Variants in DLGAP3 observed in about 807,000 individuals in gnomAD.
DLGAP3 encodes DLG associated protein 3.
Under a neutral mutation model 81.2 loss-of-function variants are expected in DLGAP3, and 17 were observed. That is an observed-to-expected ratio of 0.21 (90% CI 0.14 to 0.31). DLGAP3 has a LOEUF of 0.31. Ranked by LOEUF, DLGAP3 falls within the 10% of genes least tolerant of loss-of-function variation. DLGAP3 has a pLI of 1.00. For synonymous variants in DLGAP3, 577 were observed against 587.4 expected (o/e 0.98, Z 0.26); for missense variants, 1,124 against 1,388.0 (o/e 0.81, Z 3.02).
chr1:34,899,812 C>T, intron 4 of DLGAP3, 71 bp from the exon 5 acceptor site: 3 of 1,438,824 alleles, frequency 2.1e-6, no homozygotes, highest in Non-Finnish European at 2.9e-6. Flanking sequence ...GATAATAGCA[C>T]TGGGGCCCCT....
chr1:34,873,218 G>A lies in DLGAP3; in HGVS notation c.2001-4129C>T, dbSNP rs761704933. On this transcript the variant is annotated intron_variant, in intron 8 of 11. Transcript: ENST00000373347. The surrounding 1 kb of genome is among the most constrained non-coding windows in gnomAD (Gnocchi z 4.2). ...AGGGCTGGTGGAAGAGACAAGGGAA[G>A]ATATCTAAGTAAGCTGGGGTTTGGC... Among the ~76,000 whole-genome samples the A allele has an allele frequency of 2.0e-5, 3 of 152,198 alleles. No individual in the cohort carries two copies. The highest frequency in any genetic ancestry group is 4.4e-5 in the Non-Finnish European group (3 of 68,040).
chr1:34,909,850 C>T (rs999923941), intron 1 of DLGAP3, among the ~76,000 whole-genome samples: 4 of 152,156 alleles, frequency 2.6e-5, no homozygotes, highest in African/African-American at 9.7e-5. Context: ...ACAGATGTGC[C>T]TTTTATTCCA....
At chr1:34,918,355 G>A (rs1639748509) in intron 1 of DLGAP3, among the ~76,000 whole-genome samples, 1 of 152,222 alleles carries the variant, frequency 6.6e-6, no homozygotes, top group Non-Finnish European at 1.5e-5. Flanking sequence ...TGCCCAGGGT[G>A]GAGGCAGACA....
intron 1 of DLGAP3, among the ~76,000 whole-genome samples, chr1:34,924,625 A>G (rs1639841926): frequency 6.6e-6 from 1 of 152,178 alleles, no homozygotes; most frequent in South Asian, 2.1e-4. Flanking sequence ...GGGACCCAGT[A>G]GGTGAAAGGC....
rs1639224032 is a variant in DLGAP3 at position 34,886,124 on chromosome 1, G to GCCC, written c.1547_1548insGGG (p.Asp516delinsGluGly). The GCCC allele has an allele frequency of 6.2e-7, 1 of 1,607,410 alleles. No individual in the cohort carries two copies. Among genetic ancestry groups the GCCC allele is most frequent in the Admixed American group, 1.7e-5 (1 of 59,182 alleles). Reference sequence around the variant, plus strand: ...CAGGGGTAGCGAGGAGGGGCAGGCAGTCGTCGTCTTGAGAGCAGCCGGCCT... The same window carrying GCCC: ...CAGGGGTAGCGAGGAGGGGCAGGCAGCCCTCGTCGTCTTGAGAGCAGCCGGCCT... On this transcript the variant is annotated protein_altering_variant, in exon 6 of 12. Coordinates refer to ENST00000373347, the MANE Select transcript of DLGAP3 (RefSeq NM_001080418.3).
Position 34,920,709 on chromosome 1 carries a change from C to T in DLGAP3, c.-135+8742G>A, listed in dbSNP as rs143586100. Among the ~76,000 whole-genome samples the T allele has an allele frequency of 1.3e-3, 196 of 152,254 alleles. 2 individuals are homozygous for T. Among genetic ancestry groups the T allele is most frequent in the Middle Eastern group, 0.01 (3 of 294 alleles). ...TTGATCCTTTCTCCTCACTGGCTGCCGGCTAGCTAAAATTTCTTTATTCAA... is the reference window on the plus strand; with the variant it reads ...TTGATCCTTTCTCCTCACTGGCTGCTGGCTAGCTAAAATTTCTTTATTCAA... On this transcript the variant is annotated intron_variant, in intron 1 of 11. Coordinates refer to ENST00000373347, the MANE Select transcript of DLGAP3 (RefSeq NM_001080418.3).
chr1:34,880,216 G>A (rs1190508907), intron 8 of DLGAP3, among the ~76,000 whole-genome samples: 6 of 152,008 alleles, frequency 3.9e-5, no homozygotes, highest in Admixed American at 3.9e-4. Context: ...ACCATGCCCA[G>A]CTAATTTTTG....
intron 1 of DLGAP3, among the ~76,000 whole-genome samples, chr1:34,928,737 A>G (rs1053823916): frequency 2.0e-5 from 3 of 151,952 alleles, no homozygotes; most frequent in South Asian, 2.1e-4. Flanking sequence ...ACACGCACAC[A>G]CACACACACA....
chr1:34,893,088 C>T (rs527359176), intron 5 of DLGAP3, among the ~76,000 whole-genome samples: 138 of 147,744 alleles, frequency 9.3e-4, no homozygotes, highest in Non-Finnish European at 1.6e-3. Context: ...AGGAGAATGG[C>T]GTGAACCCGG....
chr1:34,929,105 C>T lies in DLGAP3; in HGVS notation c.-135+346G>A, dbSNP rs2148423948. Among the ~76,000 whole-genome samples the T allele has an allele frequency of 6.6e-6, 1 of 152,224 alleles. No homozygotes were observed. The highest frequency in any genetic ancestry group is 1.5e-5 in the Non-Finnish European group (1 of 67,944). On this transcript the variant is annotated intron_variant, in intron 1 of 11. Coordinates refer to ENST00000373347, the MANE Select transcript of DLGAP3 (RefSeq NM_001080418.3). This position sits in a 1 kb window ranked among gnomAD's most constrained non-coding sequence, Gnocchi z 6.5. The stretch of plus-strand genomic sequence containing the variant: ...ACTTCTCTCCGGATCTCCCCAGCAC[C>T]ACGACTTCCCCCACAACCAGCTGGC...
Sources: gnomAD v4.1 joint callset for allele counts (sites outside exome capture counted in the v4.1 genomes callset) on GRCh38, gnomAD v4.1.1 for gene constraint, Gnocchi (gnomAD v3.1) non-coding constraint, MANE v1.5 for transcripts, NCBI Gene and HGNC (gene_info 2026-07-23, HGNC 2026-07-21) for gene names.